PDS5A: variants seen among roughly 807,000 people sequenced by gnomAD.
The protein encoded by PDS5A is sister chromatid cohesion protein PDS5 homolog A.
Under a neutral mutation model 167.1 loss-of-function variants are expected in PDS5A, and 42 were observed. The ratio of observed to expected loss-of-function variants is 0.25; its 90% CI spans 0.20 to 0.33. PDS5A has a LOEUF of 0.33. Among genes scored for constraint, PDS5A ranks in the 10% least tolerant of loss-of-function variants. PDS5A has a pLI of 1.00. For missense variants in PDS5A, 1,033 were observed against 1,605.9 expected, an observed-to-expected ratio of 0.64 and a Z score of 6.10; for synonymous variants, 553 against 554.6, an observed-to-expected ratio of 1.00 and a Z score of 0.04.
chr4:39,957,590 C>G (rs2071083731), intron 2 of PDS5A, among the ~76,000 whole-genome samples: 1 of 151,736 alleles, frequency 6.6e-6, no homozygotes, highest in African/African-American at 2.4e-5. Flanking sequence ...TGGAGACCAT[C>G]CTGGCTAACA....
chr4:39,849,084 A>C (rs1717889544), intron 27 of PDS5A, 114 bp from the exon 28 acceptor site: 1 of 754,830 alleles, frequency 1.3e-6, no homozygotes, highest in East Asian at 2.7e-5. Flanking sequence ...GTTGTTATTT[A>C]TTCCTTGAAC....
intron 22 of PDS5A, among the ~76,000 whole-genome samples, chr4:39,867,774 A>ACACCCCCCC (rs369419469): frequency 3.7e-5 from 4 of 108,520 alleles, no homozygotes; most frequent in South Asian, 2.7e-4. Context: ...ACACACACAC[A>ACACCCCCCC]CCCCACAACT....
intron 22 of PDS5A, chr4:39,868,875 C>T: frequency 8.7e-6 from 3 of 345,272 alleles, no homozygotes; most frequent in South Asian, 6.8e-5. Context: ...ATGATACAAT[C>T]TTATTTTAAA....
intron 9 of PDS5A, among the ~76,000 whole-genome samples, chr4:39,911,786 C>A (rs1277772129): frequency 2.7e-5 from 4 of 147,720 alleles, no homozygotes; most frequent in Non-Finnish European, 4.4e-5. Context: ...GAGCAGAGAT[C>A]GCGCCACTGC....
chr4:39,940,497 T>C (rs1385009495), intron 2 of PDS5A, among the ~76,000 whole-genome samples: 1 of 152,184 alleles, frequency 6.6e-6, no homozygotes, highest in Non-Finnish European at 1.5e-5. Context: ...TAAAGATATA[T>C]AAGAATTTTA....
intron 2 of PDS5A, among the ~76,000 whole-genome samples, chr4:39,941,165 T>C (rs535756815): frequency 1.4e-4 from 21 of 152,340 alleles, no homozygotes; most frequent in African/African-American, 5.0e-4. Flanking sequence ...CTGTCTTTCC[T>C]GCACTAGACT....
chr4:39,881,850 A>G (rs996439377), intron 17 of PDS5A, among the ~76,000 whole-genome samples: 6 of 152,226 alleles, frequency 3.9e-5, no homozygotes, highest in Non-Finnish European at 8.8e-5. Context: ...TAAGCCCCAC[A>G]TGCCAAGGGC....
At chr4:39,890,796 T>C (rs561157403) in intron 16 of PDS5A, among the ~76,000 whole-genome samples, 2 of 152,110 alleles carry the variant, frequency 1.3e-5, no homozygotes, top group South Asian at 4.2e-4. Context: ...TTTGTTATTT[T>C]TGTAGAGACG....
intron 26 of PDS5A, among the ~76,000 whole-genome samples, chr4:39,857,486 A>T (rs1210603580): frequency 2.0e-5 from 3 of 152,166 alleles, no homozygotes; most frequent in Non-Finnish European, 4.4e-5. Context: ...AACAAATAAG[A>T]CATGCAGAAA....
chr4:39,904,231 A>C, intron 11 of PDS5A, 40 bp from the exon 12 acceptor site: 1 of 1,466,746 alleles, frequency 6.8e-7, no homozygotes, highest in Non-Finnish European at 9.3e-7. Context: ...AAGATAACAA[A>C]ACTCTGTACT....
intron 2 of PDS5A, among the ~76,000 whole-genome samples, chr4:39,930,246 A>ATTTTTT: frequency 1.1e-5 from 1 of 93,088 alleles, no homozygotes; most frequent in Non-Finnish European, 2.2e-5. Flanking sequence ...AAAAAAAAAA[A>ATTTTTT]GTTTTTTTGT....
intron 2 of PDS5A, among the ~76,000 whole-genome samples, chr4:39,968,583 C>T (rs567019687): frequency 6.6e-6 from 1 of 151,676 alleles, no homozygotes; most frequent in Non-Finnish European, 1.5e-5. Flanking sequence ...CAGGCATGCG[C>T]CACCACACCC....
chr4:39,829,364 G>C (rs543262269), intron 32 of PDS5A, among the ~76,000 whole-genome samples: 1 of 152,192 alleles, frequency 6.6e-6, no homozygotes, highest in Admixed American at 6.5e-5. Flanking sequence ...CAAAACATCA[G>C]CTGAGGCCGG....
At chr4:39,858,904 T>G (rs1718756691) in intron 26 of PDS5A, among the ~76,000 whole-genome samples, 1 of 152,190 alleles carries the variant, frequency 6.6e-6, no homozygotes. Flanking sequence ...AAAATTTTTA[T>G]GAACTTGGAT....
At chr4:39,849,455 A>AAC (rs1578600936) in intron 27 of PDS5A, 65 bp downstream of exon 27, 4 of 1,162,802 alleles carry the variant, frequency 3.4e-6, no homozygotes, top group African/African-American at 1.5e-5. Context: ...AAAAAAAAAA[A>AAC]ACCAAGTGGG....
chr4:39,881,140 C>CT (rs912234252), intron 17 of PDS5A, among the ~76,000 whole-genome samples: 19 of 151,880 alleles, frequency 1.3e-4, no homozygotes, highest in South Asian at 6.3e-4. Context: ...GCATTTCATT[C>CT]TTTTTTTTAT....
chr4:39,974,974 G>A (rs1730940846), intron 2 of PDS5A, among the ~76,000 whole-genome samples: 1 of 151,958 alleles, frequency 6.6e-6, no homozygotes, highest in Non-Finnish European at 1.5e-5. Flanking sequence ...AGCTGGGCGT[G>A]GTGGCAGGCA....
At chr4:39,885,049 G>C (rs1321178624) in intron 17 of PDS5A, among the ~76,000 whole-genome samples, 1 of 152,080 alleles carries the variant, frequency 6.6e-6, no homozygotes, top group Admixed American at 6.6e-5. Flanking sequence ...GATTGCTTGA[G>C]CACAGGAGCT....
chr4:39,934,764 C>G (rs535262245), intron 2 of PDS5A, among the ~76,000 whole-genome samples: 2 of 151,794 alleles, frequency 1.3e-5, no homozygotes, highest in Admixed American at 6.6e-5. Context: ...TTACCACATT[C>G]CAGCACTCTA....
Sources: gnomAD v4.1 joint callset for allele counts (sites outside exome capture counted in the v4.1 genomes callset) on GRCh38, gnomAD v4.1.1 for gene constraint, MANE v1.5 for transcripts, NCBI Gene and HGNC (gene_info 2026-07-23, HGNC 2026-07-21) for gene names.